EP300: variants seen among roughly 807,000 people sequenced by gnomAD.
EP300 encodes the protein EP300 lysine acetyltransferase.
In EP300, 31 loss-of-function variants were observed where a neutral mutation model predicts 264.0. The observed-to-expected ratio is 0.12, with a 90% confidence interval of 0.09 to 0.16. The LOEUF is 0.16. Ranked by LOEUF, EP300 falls within the 10% of genes least tolerant of loss-of-function variation. The pLI, the probability that EP300 is intolerant of heterozygous loss-of-function variation, is 1.00. For synonymous variants in EP300, 1,340 were observed against 1,045.4 expected (o/e 1.28, Z -5.44); for missense variants, 2,766 against 3,052.9 (o/e 0.91, Z 2.21).
chr22:41,129,792 A>C lies in EP300; in HGVS notation c.1169-98A>C, dbSNP rs1398678125. On this transcript the variant is annotated intron_variant, in intron 4 of 30. Coordinates refer to ENST00000263253, the MANE Select transcript of EP300 (RefSeq NM_001429.4). ...GGCTGTTAGGAAGATGAAATAAGTT[A>C]ATGCATTTATGTTACTTATTAAGTG... The C allele has an allele frequency of 5.9e-6, 5 of 847,132 alleles. No individual in the cohort carries two copies. The Admixed American group carries it at 5.9e-5, about 10-fold the overall frequency. The allele number at this position is 847,132 out of a possible 1,614,324, so 52.5% of individuals were successfully genotyped here.
chr22:41,140,305 T>C (rs1377258480), intron 9 of EP300, 48 bp downstream of exon 9: 2 of 1,280,804 alleles, frequency 1.6e-6, no homozygotes, highest in African/African-American at 2.9e-5. Context: ...GAACCTGTTG[T>C]GGTTATTTTA....
At chr22:41,141,004 C>A in intron 9 of EP300, 44 bp from the exon 10 acceptor site, 1 of 1,580,466 alleles carries the variant, frequency 6.3e-7, no homozygotes, top group Non-Finnish European at 8.7e-7. Flanking sequence ...GGTGGTAGTT[C>A]CTTTTTTCCT....
At chr22:41,113,614 T>C (rs2145692237) in intron 1 of EP300, among the ~76,000 whole-genome samples, 1 of 152,272 alleles carries the variant, frequency 6.6e-6, no homozygotes, top group South Asian at 2.1e-4. Context: ...TGGCGTGATC[T>C]CGGCTCACTG....
At chr22:41,094,473 C>A (rs563787459) in intron 1 of EP300, among the ~76,000 whole-genome samples, 1 of 152,280 alleles carries the variant, frequency 6.6e-6, no homozygotes, top group African/African-American at 2.4e-5. Context: ...AAGTAGGAAT[C>A]TTGCGAGTTC....
At chr22:41,102,976 A>G (rs2058740022) in intron 1 of EP300, among the ~76,000 whole-genome samples, 1 of 152,094 alleles carries the variant, frequency 6.6e-6, no homozygotes, top group African/African-American at 2.4e-5. Flanking sequence ...CAGCCTCCCA[A>G]GTAGCTGGGA....
rs188795822 is a variant in EP300 at position 41,137,543 on chromosome 22, G to C, written c.1623-110G>C. On this transcript the variant is annotated intron_variant, in intron 7 of 30. Coordinates refer to ENST00000263253, the MANE Select transcript of EP300 (RefSeq NM_001429.4). ...CCTGCCTAGCTCCTTAATGCGAATA[G>C]AAGTGACATAGCATATTGATTCCAT... is the stretch of plus-strand genomic sequence containing the variant. The C allele has an allele frequency of 3.1e-5, 45 of 1,436,072 alleles. No homozygotes were observed. The African/African-American group carries it at 4.5e-4, about 14-fold the overall frequency. The allele number at this position is 1,436,072 out of a possible 1,614,324, so 89.0% of individuals were successfully genotyped here. A position where few individuals can be genotyped will look rare whatever the true frequency, so the allele number is the denominator to read the frequency against.
chr22:41,167,604 A>AC (rs1189875077), intron 23 of EP300, among the ~76,000 whole-genome samples: 3 of 29,148 alleles, frequency 1.0e-4, no homozygotes, highest in Non-Finnish European at 2.0e-4. Flanking sequence ...ATATATATAT[A>AC]TATATATATA....
intron 8 of EP300, among the ~76,000 whole-genome samples, chr22:41,139,210 T>G (rs2058968552): frequency 6.6e-6 from 1 of 152,216 alleles, no homozygotes; most frequent in Non-Finnish European, 1.5e-5. Flanking sequence ...TGCCTTGGCC[T>G]CCCAAAGGGC....
At chr22:41,143,624 G>C (rs1039068492) in intron 10 of EP300, among the ~76,000 whole-genome samples, 2 of 151,346 alleles carry the variant, frequency 1.3e-5, no homozygotes, top group African/African-American at 4.9e-5. Context: ...CACTCAGGCT[G>C]AAGTGCAGTG....
intron 1 of EP300, among the ~76,000 whole-genome samples, chr22:41,115,325 G>A (rs1207941440): frequency 3.3e-5 from 5 of 152,094 alleles, no homozygotes; most frequent in Non-Finnish European, 2.9e-5. Context: ...GATAATAGAG[G>A]GCACAAGACA....
At chr22:41,105,243 C>T (rs2058752483) in intron 1 of EP300, among the ~76,000 whole-genome samples, 1 of 147,598 alleles carries the variant, frequency 6.8e-6, no homozygotes, top group Admixed American at 6.8e-5. Context: ...TGGCAGGCGC[C>T]TGTAGTCCCA....
At chr22:41,172,854 G>GC (rs1203370043) in intron 28 of EP300, among the ~76,000 whole-genome samples, 191 bp downstream of exon 28, 1 of 152,140 alleles carries the variant, frequency 6.6e-6, no homozygotes, top group Non-Finnish European at 1.5e-5. Context: ...AAGCATCAGA[G>GC]CCCCTTTTAA....
At chr22:41,136,198 G>A (rs1319996244) in intron 7 of EP300, among the ~76,000 whole-genome samples, 2 of 152,132 alleles carry the variant, frequency 1.3e-5, no homozygotes, top group Non-Finnish European at 2.9e-5. Flanking sequence ...GCTAATTTTT[G>A]TACTTTTGGT....
chr22:41,164,013 A>C (rs1285693974), intron 21 of EP300, 40 bp from the exon 22 acceptor site: 12 of 1,584,448 alleles, frequency 7.6e-6, no homozygotes, highest in Non-Finnish European at 7.8e-6. Flanking sequence ...CATTTGGTTA[A>C]GGTTTGGGGT....
At chr22:41,126,868 C>A (rs934683018) in intron 3 of EP300, among the ~76,000 whole-genome samples, 1 of 146,826 alleles carries the variant, frequency 6.8e-6, no homozygotes, top group African/African-American at 2.5e-5. Context: ...CCTCAGCCTT[C>A]TGAGTAGCTG....
At position 41,179,710 on chromosome 22, in the gene EP300, A is replaced by G. The variant is rs2145527430; in HGVS notation, c.*754A>G. 1 of 229,534 alleles carries G rather than the reference A, an allele frequency of 4.4e-6. No homozygotes were observed. The highest frequency in any genetic ancestry group is 2.2e-5 in the African/African-American group (1 of 45,114). The allele number at this position is 229,534 out of a possible 1,614,324, so 14.2% of individuals were successfully genotyped here. A position where few individuals can be genotyped will look rare whatever the true frequency, so the allele number is the denominator to read the frequency against. On this transcript the variant is annotated 3_prime_UTR_variant, in exon 31 of 31. Coordinates refer to ENST00000263253, the MANE Select transcript of EP300 (RefSeq NM_001429.4). ...CAGCTGCCAAATTGATGTATTATAT[A>G]TTGTGGTTTCTGTTTCTTGAAAGAA... is the stretch of plus-strand genomic sequence containing the variant.
Position 41,152,318 on chromosome 22 carries a change from C to T in EP300, c.3110C>T (p.Ser1037Leu), listed in dbSNP as rs2059051031. Reference protein sequence around the residue: ...EDQPSTSATQSSPAPGQSKKK... With the variant: ...EDQPSTSATQLSPAPGQSKKK... ...CAGCCAAGTACTTCAGCTACCCAGT[C>T]ATCTCCGGCTCCAGGACAGTCAAAG... The change falls in exon 16 of 31, where the codon TCA (serine) becomes TTA (leucine). Residue 1037 changes from serine to leucine, a missense_variant. By Grantham distance (145) the Ser-to-Leu change is moderately radical. Transcript: ENST00000263253. 6.2e-7 allele frequency: 1 copy of T among 1,614,014 alleles called. No homozygotes were observed. Among genetic ancestry groups the T allele is most frequent in the East Asian group, 2.2e-5 (1 of 44,872 alleles).
At chr22:41,124,121 G>A (rs1049593929) in intron 2 of EP300, among the ~76,000 whole-genome samples, 38 of 152,182 alleles carry the variant, frequency 2.5e-4, no homozygotes, top group African/African-American at 8.9e-4. Context: ...GGCGGCGCAC[G>A]CCTGTAGTCC....
At chr22:41,172,168 T>G (rs1235377713) in intron 27 of EP300, among the ~76,000 whole-genome samples, 1 of 152,186 alleles carries the variant, frequency 6.6e-6, no homozygotes, top group Non-Finnish European at 1.5e-5. Flanking sequence ...TATTCTGTGA[T>G]AAGGAGTGGT....
Sources: gnomAD v4.1 joint callset for allele counts (sites outside exome capture counted in the v4.1 genomes callset) on GRCh38, gnomAD v4.1.1 for gene constraint, MANE v1.5 for transcripts, NCBI Gene and HGNC (gene_info 2026-07-23, HGNC 2026-07-21) for gene names.